Variants in NRXN3 observed in about 807,000 individuals in gnomAD.
NRXN3 encodes the protein neurexin 3, also known as neurexin III.
NRXN3 carries 32 observed loss-of-function variants against 137.6 expected under a neutral mutation model. The ratio of observed to expected loss-of-function variants is 0.23; its 90% CI spans 0.18 to 0.31. The LOEUF (loss-of-function observed/expected upper bound fraction) is 0.31, where lower values mean the gene tolerates loss of function less well. Ranked by LOEUF, NRXN3 falls within the 10% of genes least tolerant of loss-of-function variation. The probability of loss-of-function intolerance (pLI) is 1.00; values close to 1 mark genes in which losing one functional copy is unlikely to be tolerated. For synonymous variants in NRXN3, 798 were observed against 784.5 expected, an observed-to-expected ratio of 1.02 and a Z score of -0.29; for missense variants, 1,574 against 2,062.5, an observed-to-expected ratio of 0.76 and a Z score of 4.59.
At chr14:78,413,535 GC>G (rs2092956982) in intron 4 of NRXN3, among the ~76,000 whole-genome samples, 1 of 152,154 alleles carries the variant, frequency 6.6e-6, no homozygotes, top group East Asian at 1.9e-4. Context: ...TCCGGCCGAG[GC>G]CTCCCAAATT....
At chr14:79,227,860 CTCTT>C (rs1184731173) in intron 15 of NRXN3, among the ~76,000 whole-genome samples, 5 of 140,674 alleles carry the variant, frequency 3.6e-5, no homozygotes, top group African/African-American at 5.2e-5. Context: ...CTCCCTTCCT[CTCTT>C]TCTTCTCTTG....
At chr14:79,455,896 T>G (rs1308149827) in intron 15 of NRXN3, among the ~76,000 whole-genome samples, 1 of 151,978 alleles carries the variant, frequency 6.6e-6, no homozygotes, top group Non-Finnish European at 1.5e-5. Context: ...ACCATCTTAT[T>G]TATCTTATTT....
At chr14:78,320,944 C>T (rs962259557) in intron 4 of NRXN3, among the ~76,000 whole-genome samples, 4 of 151,844 alleles carry the variant, frequency 2.6e-5, no homozygotes, top group Admixed American at 6.6e-5. Context: ...GGTGAAACCC[C>T]GTCTCTACTA....
At chr14:79,112,785 A>G (rs551683134) in intron 15 of NRXN3, among the ~76,000 whole-genome samples, 1 of 152,338 alleles carries the variant, frequency 6.6e-6, no homozygotes, top group African/African-American at 2.4e-5. Flanking sequence ...TGGACCAAAT[A>G]TAGGCCAAGA....
At chr14:78,326,597 G>A (rs1160198833) in intron 4 of NRXN3, among the ~76,000 whole-genome samples, 1 of 152,204 alleles carries the variant, frequency 6.6e-6, no homozygotes. Context: ...TCGTGGTGGG[G>A]TGCACATGTT....
chr14:79,338,078 G>T (rs181036728), intron 15 of NRXN3, among the ~76,000 whole-genome samples: 66 of 152,202 alleles, frequency 4.3e-4, no homozygotes, highest in South Asian at 1.5e-3. Context: ...TGTGAGGATT[G>T]TAACAATGAT....
At chr14:78,234,323 A>T (rs550078391) in intron 1 of NRXN3, among the ~76,000 whole-genome samples, 1 of 152,372 alleles carries the variant, frequency 6.6e-6, no homozygotes, top group South Asian at 2.1e-4. Context: ...AGTGGACAGC[A>T]ACAGTAGATA....
chr14:78,768,844 C>A (rs2098717510), intron 8 of NRXN3, among the ~76,000 whole-genome samples: 1 of 152,208 alleles, frequency 6.6e-6, no homozygotes, highest in South Asian at 2.1e-4. Context: ...GGAACTTCCA[C>A]ACCATTCTCC....
chr14:79,684,521 CT>C (rs1484687837), intron 17 of NRXN3, among the ~76,000 whole-genome samples: 1 of 152,078 alleles, frequency 6.6e-6, no homozygotes, highest in African/African-American at 2.4e-5. Context: ...ACTGGCAATT[CT>C]ATAGGATGTA....
At chr14:78,844,656 G>A (rs1596421711) in intron 10 of NRXN3, among the ~76,000 whole-genome samples, 2 of 152,118 alleles carry the variant, frequency 1.3e-5, no homozygotes, top group South Asian at 4.2e-4. Context: ...GTAGTTCCAG[G>A]CATTCAATAG....
At chr14:79,546,925 G>A (rs1223319114) in intron 16 of NRXN3, among the ~76,000 whole-genome samples, 1 of 152,140 alleles carries the variant, frequency 6.6e-6, no homozygotes, top group Non-Finnish European at 1.5e-5. Flanking sequence ...CCCATTCACT[G>A]CAGTCAAGCC....
intron 4 of NRXN3, among the ~76,000 whole-genome samples, chr14:78,448,837 A>C (rs568380838): frequency 1.2e-4 from 19 of 152,214 alleles, no homozygotes; most frequent in African/African-American, 4.6e-4. Flanking sequence ...ATAAAGATGA[A>C]ACTGACCCCA....
intron 11 of NRXN3, 55 bp downstream of exon 11, chr14:78,957,416 C>T: frequency 1.3e-6 from 2 of 1,581,672 alleles, no homozygotes; most frequent in Non-Finnish European, 1.7e-6. Context: ...CTCTCAGTCA[C>T]TGAGTGAGCA....
rs981135727 is a variant in NRXN3, at chr14:79,215,390, G to GGT, written c.3262+227260_3262+227261dup. ...GCAGAAAATGAAGTTGTGGAGTTGG[G>GGT]GTGTGTGTGTGTATATATATATAGA... On this transcript the variant is annotated intron_variant, in intron 15 of 20. Coordinates refer to ENST00000335750, the MANE Select transcript of NRXN3 (RefSeq NM_001330195.2). Among the ~76,000 whole-genome samples, 207 of 144,870 alleles carry GGT rather than the reference G, an allele frequency of 1.4e-3. 2 individuals are homozygous for GGT. Among genetic ancestry groups the GGT allele is most frequent in the East Asian group, 7.2e-3 (32 of 4,444 alleles).
At chr14:78,925,236 T>G (rs1055735016) in intron 10 of NRXN3, among the ~76,000 whole-genome samples, 2 of 152,216 alleles carry the variant, frequency 1.3e-5, no homozygotes, top group Admixed American at 1.3e-4. Flanking sequence ...CTATAGAGTT[T>G]AGAGCAGAAA....
chr14:78,960,100 C>T (rs977292720), intron 11 of NRXN3, among the ~76,000 whole-genome samples: 1 of 152,100 alleles, frequency 6.6e-6, no homozygotes, highest in African/African-American at 2.4e-5. Flanking sequence ...GGCCAAGTCA[C>T]GAAATGCCAT....
chr14:78,631,746 G>A (rs1347473266), intron 4 of NRXN3, among the ~76,000 whole-genome samples: 2 of 152,124 alleles, frequency 1.3e-5, no homozygotes, highest in African/African-American at 2.4e-5. Flanking sequence ...TCTGATTCTA[G>A]CTGTTTGGCT....
chr14:78,177,309 T>C (rs2059368441), intron 1 of NRXN3, among the ~76,000 whole-genome samples: 1 of 152,124 alleles, frequency 6.6e-6, no homozygotes, highest in Non-Finnish European at 1.5e-5. Flanking sequence ...GTGTCTCTGT[T>C]CCACTCTAGG....
At chr14:78,419,341 G>A (rs1239540014) in intron 4 of NRXN3, among the ~76,000 whole-genome samples, 1 of 152,036 alleles carries the variant, frequency 6.6e-6, no homozygotes, top group African/African-American at 2.4e-5. Context: ...AGGCCCAAGC[G>A]ATTCTCCTGC....
Sources: allele counts gnomAD v4.1 joint callset (sites outside exome capture counted in the v4.1 genomes callset), GRCh38; gene constraint gnomAD v4.1.1; transcripts MANE v1.5; gene names NCBI Gene and HGNC (gene_info 2026-07-23, HGNC 2026-07-21).